Variants in EDARADD observed in about 807,000 individuals in gnomAD.
The protein encoded by EDARADD is ectodysplasin-A receptor-associated adapter protein.
Under a neutral mutation model 25.6 loss-of-function variants are expected in EDARADD, and 20 were observed. The observed-to-expected ratio is 0.78, with a 90% CI of 0.55 to 1.14. EDARADD has a LOEUF of 1.14. EDARADD is among the 50% of genes most tolerant of loss of function. The pLI, the probability that EDARADD is intolerant of heterozygous loss-of-function variation, is 0.00. For synonymous variants in EDARADD, 86 were observed against 94.4 expected (o/e 0.91, Z 0.52); for missense variants, 225 against 270.1 (o/e 0.83, Z 1.17).
chr1:236,445,131 A>G (rs1030686512), intron 4 of EDARADD, among the ~76,000 whole-genome samples: 3 of 151,920 alleles, frequency 2.0e-5, no homozygotes, highest in African/African-American at 7.3e-5. Context: ...GATTTTCTAC[A>G]TAGACAGTCA....
chr1:236,382,998 T>A (rs980489533), intron 3 of EDARADD, among the ~76,000 whole-genome samples: 7 of 152,136 alleles, frequency 4.6e-5, no homozygotes, highest in African/African-American at 1.7e-4. Context: ...TCCTGAGACT[T>A]CTAGATGTTT....
chr1:236,445,234 C>CTTTT (rs61333307), intron 4 of EDARADD, among the ~76,000 whole-genome samples: 1 of 89,698 alleles, frequency 1.1e-5, no homozygotes, highest in Admixed American at 1.4e-4. Context: ...ATAATAAATT[C>CTTTT]TTTTTTTTTT....
chr1:236,456,650 G>A lies in EDARADD; in HGVS notation c.220-11581G>A, dbSNP rs1021184382. Among the ~76,000 whole-genome samples, 6 of 152,000 alleles carry A rather than the reference G, an allele frequency of 3.9e-5. No individual in the cohort carries two copies. In the East Asian group the frequency reaches 5.8e-4, roughly 15 times the overall value. On this transcript the variant is annotated intron_variant, in intron 4 of 5. Coordinates refer to ENST00000334232, the MANE Select transcript of EDARADD (RefSeq NM_145861.4). ...TGGCCACGCCTCAGATCATGTCACC[G>A]CTGGGAACAAACCCTCTACCCGCGA...
At chr1:236,406,051 C>A (rs776660249) in intron 1 of EDARADD, among the ~76,000 whole-genome samples, 1 of 151,294 alleles carries the variant, frequency 6.6e-6, no homozygotes, top group Non-Finnish European at 1.5e-5. Context: ...AGCCTCACCC[C>A]ACCCCTGGCT....
At chr1:236,441,456 AATATTAT>A (rs921431230) in intron 4 of EDARADD, among the ~76,000 whole-genome samples, 4 of 146,062 alleles carry the variant, frequency 2.7e-5, no homozygotes, top group African/African-American at 9.9e-5. Flanking sequence ...AAGTAAAAGA[AATATTAT>A]ATATTATATT....
intron 4 of EDARADD, among the ~76,000 whole-genome samples, chr1:236,456,722 CT>C (rs1486971281): frequency 3.5e-5 from 3 of 85,538 alleles, no homozygotes; most frequent in African/African-American, 7.6e-5. Flanking sequence ...CCCCTCCCCC[CT>C]CCCCCTCACT....
At chr1:236,372,361 A>G (rs1361535975) in intron 3 of EDARADD, among the ~76,000 whole-genome samples, 1 of 152,170 alleles carries the variant, frequency 6.6e-6, no homozygotes, top group Non-Finnish European at 1.5e-5. Context: ...TCATGTTGCA[A>G]TAGGTTACAT....
chr1:236,431,620 GAAGTT>G (rs1395137132), intron 4 of EDARADD, among the ~76,000 whole-genome samples: 1 of 152,252 alleles, frequency 6.6e-6, no homozygotes, highest in East Asian at 1.9e-4. Flanking sequence ...GGAGGAGGTG[GAAGTT>G]AAGACCCCAG....
At chr1:236,361,883 T>C (rs1441985642) in intron 3 of EDARADD, among the ~76,000 whole-genome samples, 1 of 151,970 alleles carries the variant, frequency 6.6e-6, no homozygotes, top group Non-Finnish European at 1.5e-5. Context: ...TGTATACGTT[T>C]TTGTATAATT....
chr1:236,353,915 G>T (rs1666947658), intron 3 of EDARADD, among the ~76,000 whole-genome samples: 1 of 152,028 alleles, frequency 6.6e-6, no homozygotes, highest in African/African-American at 2.4e-5. Context: ...AGAAAAGACA[G>T]ATTTGTATTC....
chr1:236,409,964 T>C (rs942743428), intron 2 of EDARADD, among the ~76,000 whole-genome samples: 17 of 152,162 alleles, frequency 1.1e-4, no homozygotes, highest in African/African-American at 4.1e-4. Flanking sequence ...CGTTTAGTTC[T>C]AGCAGCTGCC....
chr1:236,462,539 G>T (rs1443815180), intron 4 of EDARADD, among the ~76,000 whole-genome samples: 5 of 152,124 alleles, frequency 3.3e-5, no homozygotes, highest in East Asian at 3.9e-4. Flanking sequence ...ATTCAGCTCG[G>T]AGCTGAGAGC....
intron 1 of EDARADD, among the ~76,000 whole-genome samples, chr1:236,404,046 A>G (rs904534948): frequency 1.3e-5 from 2 of 152,176 alleles, no homozygotes; most frequent in African/African-American, 4.8e-5. Flanking sequence ...GGCAGCCATG[A>G]GCAGAGGACA....
chr1:236,416,006 C>A (rs1022803489), intron 3 of EDARADD, among the ~76,000 whole-genome samples: 3 of 152,186 alleles, frequency 2.0e-5, no homozygotes, highest in Non-Finnish European at 4.4e-5. Context: ...CAGGGCCAAC[C>A]TGTCCAGAGT....
chr1:236,402,713 T>A (rs1260470596), intron 1 of EDARADD, among the ~76,000 whole-genome samples: 1 of 152,008 alleles, frequency 6.6e-6, no homozygotes, highest in African/African-American at 2.4e-5. Flanking sequence ...CACCTGGCCA[T>A]GAGGCACTTC....
At chr1:236,353,018 AAAC>A (rs926304509) in intron 3 of EDARADD, among the ~76,000 whole-genome samples, 14 of 139,124 alleles carry the variant, frequency 1.0e-4, no homozygotes, top group Non-Finnish European at 2.0e-4. Context: ...TCTAAAAAAA[AAAC>A]AACAACAACA....
Position 236,483,965 on chromosome 1 carries a change from C to T in EDARADD, c.*1316C>T, listed in dbSNP as rs1233852529. ...TGGAATTCAAGTTTCTCGACGACCC[C>T]ACCAGGTACATCTCACCTGACTGTC... is the stretch of plus-strand genomic sequence containing the variant. On this transcript the variant is annotated 3_prime_UTR_variant, in exon 6 of 6. Transcript: ENST00000334232. The T allele has an allele frequency of 7.3e-7, 1 of 1,364,896 alleles. No homozygotes were observed. Among genetic ancestry groups the T allele is most frequent in the Non-Finnish European group, 1.0e-6 (1 of 955,608 alleles). 84.5% of individuals were successfully genotyped at this position (1,364,896 alleles called of 1,614,324 possible).
chr1:236,363,828 A>T (rs576499545), intron 3 of EDARADD, among the ~76,000 whole-genome samples: 1 of 152,248 alleles, frequency 6.6e-6, no homozygotes, highest in Non-Finnish European at 1.5e-5. Flanking sequence ...TTTCCTATAC[A>T]GCCTGTGGAA....
intron 3 of EDARADD, among the ~76,000 whole-genome samples, chr1:236,365,697 C>T (rs912202799): frequency 1.1e-4 from 4 of 37,726 alleles, no homozygotes; most frequent in Non-Finnish European, 2.4e-4. Context: ...TCTGTTCTTC[C>T]TCCAAATAGT....
Sources: gnomAD v4.1 joint callset for allele counts (sites outside exome capture counted in the v4.1 genomes callset) on GRCh38, gnomAD v4.1.1 for gene constraint, MANE v1.5 for transcripts, NCBI Gene and HGNC (gene_info 2026-07-23, HGNC 2026-07-21) for gene names.